HECW1: variants seen among roughly 807,000 people sequenced by gnomAD.
HECW1 encodes E3 ubiquitin-protein ligase HECW1.
HECW1 carries 61 observed loss-of-function variants against 182.3 expected under a neutral mutation model. The observed-to-expected ratio is 0.33, with a 90% confidence interval of 0.27 to 0.41. The LOEUF (loss-of-function observed/expected upper bound fraction) is 0.41, where lower values mean the gene tolerates loss of function less well. HECW1 is among the 10% of genes least tolerant of loss of function. The pLI, the probability that HECW1 is intolerant of heterozygous loss-of-function variation, is 1.00. For missense variants in HECW1, 1,739 were observed against 2,108.9 expected, an observed-to-expected ratio of 0.82 and a Z score of 3.44; for synonymous variants, 859 against 832.6, an observed-to-expected ratio of 1.03 and a Z score of -0.55.
At chr7:43,123,352 A>G (rs995600373) in intron 2 of HECW1, among the ~76,000 whole-genome samples, 3 of 152,256 alleles carry the variant, frequency 2.0e-5, no homozygotes, top group African/African-American at 7.2e-5. Flanking sequence ...AATTTTACCA[A>G]AACTGAGTGT....
At chr7:43,204,988 G>A (rs1795331041) in intron 2 of HECW1, among the ~76,000 whole-genome samples, 1 of 152,106 alleles carries the variant, frequency 6.6e-6, no homozygotes, top group Admixed American at 6.5e-5. Context: ...TATCTCAAAC[G>A]GGCACAGAAA....
intron 2 of HECW1, chr7:43,239,024 T>C (rs143182425): frequency 6.6e-6 from 1 of 152,284 alleles, no homozygotes; most frequent in African/African-American, 2.4e-5. Flanking sequence ...AGACAATAGA[T>C]TGGGACAAAA....
rs1280647598 is a variant in HECW1, at chr7:43,182,006, G to A, written c.-31-61869G>A. ...TCACCATGTTAGCCAGGAAGGTCTC[G>A]ATCTCCTGACCTCGTGATCTACCTG... On this transcript the variant is annotated intron_variant, in intron 2 of 29. Coordinates refer to ENST00000395891, the MANE Select transcript of HECW1 (RefSeq NM_015052.5). Among the ~76,000 whole-genome samples, 4 of 151,968 alleles carry A rather than the reference G, an allele frequency of 2.6e-5. No individual in the cohort carries two copies. The South Asian group carries it at 6.2e-4, about 24-fold the overall frequency.
intron 8 of HECW1, among the ~76,000 whole-genome samples, chr7:43,411,385 G>T (rs1584809359): frequency 6.6e-6 from 1 of 152,170 alleles, no homozygotes; most frequent in Non-Finnish European, 1.5e-5. Flanking sequence ...ATCAAGCCAT[G>T]TTTTACAGTC....
At chr7:43,177,095 A>AT (rs1429595706) in intron 2 of HECW1, among the ~76,000 whole-genome samples, 1 of 152,036 alleles carries the variant, frequency 6.6e-6, no homozygotes, top group East Asian at 1.9e-4. Flanking sequence ...GTAGGCAAAC[A>AT]TTTTTGCGAT....
chr7:43,241,432 C>T (rs1798863447), intron 2 of HECW1: 2 of 152,176 alleles, frequency 1.3e-5, no homozygotes, highest in African/African-American at 2.4e-5. Flanking sequence ...CTTCTGCTCT[C>T]ATTCTTTTTT....
chr7:43,441,592 T>C (rs1451200797), intron 9 of HECW1, among the ~76,000 whole-genome samples: 1 of 152,220 alleles, frequency 6.6e-6, no homozygotes, highest in Non-Finnish European at 1.5e-5. Context: ...TTGGCAAACT[T>C]TTTTGTACAG....
At chr7:43,136,877 A>G (rs1583643013) in intron 2 of HECW1, among the ~76,000 whole-genome samples, 1 of 152,270 alleles carries the variant, frequency 6.6e-6, no homozygotes, top group East Asian at 1.9e-4. Context: ...TTCCCAACCT[A>G]AGACTGATCC....
chr7:43,134,611 T>A (rs1244254444), intron 2 of HECW1, among the ~76,000 whole-genome samples: 2 of 151,838 alleles, frequency 1.3e-5, no homozygotes, highest in Non-Finnish European at 2.9e-5. Context: ...GCTCAAGCAA[T>A]CCTCCTGCCT....
intron 17 of HECW1, among the ~76,000 whole-genome samples, chr7:43,488,494 G>GAAAAGA (rs1563046909): frequency 6.9e-6 from 1 of 144,240 alleles, no homozygotes; most frequent in Non-Finnish European, 1.5e-5. Flanking sequence ...GAAAGAGAAA[G>GAAAAGA]AAAGAAAGAA....
chr7:43,491,989 T>G (rs2078948379), intron 17 of HECW1, 86 bp from the exon 18 acceptor site: 1 of 937,230 alleles, frequency 1.1e-6, no homozygotes, highest in East Asian at 2.4e-5. Context: ...TCAAAATCTT[T>G]TACCCCTTAG....
chr7:43,221,350 T>C (rs1796926473), intron 2 of HECW1, among the ~76,000 whole-genome samples: 1 of 152,014 alleles, frequency 6.6e-6, no homozygotes, highest in African/African-American at 2.4e-5. Flanking sequence ...TTGATCTCTT[T>C]AGGCCAAGGA....
intron 2 of HECW1, among the ~76,000 whole-genome samples, chr7:43,145,982 C>T (rs1206426308): frequency 6.6e-6 from 1 of 152,208 alleles, no homozygotes; most frequent in Non-Finnish European, 1.5e-5. Flanking sequence ...AGTTAAATCA[C>T]ACCTGGATTT....
chr7:43,227,120 C>T (rs973556336), intron 2 of HECW1, among the ~76,000 whole-genome samples: 1 of 152,040 alleles, frequency 6.6e-6, no homozygotes, highest in Non-Finnish European at 1.5e-5. Context: ...TATTTAATGC[C>T]CAGTGTCCTG....
chr7:43,333,461 AT>A (rs1217487774), intron 5 of HECW1, among the ~76,000 whole-genome samples: 2 of 152,242 alleles, frequency 1.3e-5, no homozygotes, highest in African/African-American at 4.8e-5. Flanking sequence ...ATATGCATTT[AT>A]AAAAGTATTA....
In HECW1 at chr7:43,425,883, G is replaced by T. The variant is rs372479307; in HGVS notation, c.802-12120G>T. On this transcript the variant is annotated intron_variant, in intron 8 of 29. Coordinates refer to ENST00000395891, the MANE Select transcript of HECW1 (RefSeq NM_015052.5). ...CAGTTAAATTTCAACATGAGTTTTC[G>T]TAGGGATATTCAAGCCACCGCAGAG... 3.9e-5 allele frequency among the ~76,000 whole-genome samples: 6 copies of T among 152,038 alleles called. No homozygotes were observed. In the South Asian group the frequency reaches 1.2e-3, roughly 32 times the overall value.
chr7:43,138,628 G>C (rs1583651198), intron 2 of HECW1, among the ~76,000 whole-genome samples: 1 of 152,140 alleles, frequency 6.6e-6, no homozygotes, highest in East Asian at 1.9e-4. Context: ...TGTCTACAAC[G>C]TTTGCTTTTA....
chr7:43,197,384 T>A (rs1239849989), intron 2 of HECW1, among the ~76,000 whole-genome samples: 6 of 151,990 alleles, frequency 3.9e-5, no homozygotes, highest in Admixed American at 3.9e-4. Context: ...AGAGAAAGGC[T>A]CCGCTGCCCT....
At chr7:43,553,682 A>T (rs1296817877) in intron 28 of HECW1, among the ~76,000 whole-genome samples, 15 of 143,970 alleles carry the variant, frequency 1.0e-4, no homozygotes, top group Non-Finnish European at 4.6e-5. Flanking sequence ...AAAAAAAAAA[A>T]AAAAAAGTCT....
Sources: allele counts gnomAD v4.1 joint callset (sites outside exome capture counted in the v4.1 genomes callset), GRCh38; gene constraint gnomAD v4.1.1; transcripts MANE v1.5; gene names NCBI Gene and HGNC (gene_info 2026-07-23, HGNC 2026-07-21).